GRAMD2A: variants seen among roughly 807,000 people sequenced by gnomAD.
GRAMD2A encodes GRAM domain-containing protein 2A.
In GRAMD2A, 37 loss-of-function variants were observed where a neutral mutation model predicts 51.1. That is an observed-to-expected ratio of 0.72 (90% CI 0.56 to 0.95). The LOEUF (loss-of-function observed/expected upper bound fraction) is 0.95. Among genes scored for constraint, GRAMD2A ranks in the 40% least tolerant of loss-of-function variants. The pLI, the probability that GRAMD2A is intolerant of heterozygous loss-of-function variation, is 0.00. For synonymous variants in GRAMD2A, 136 were observed against 157.1 expected, an observed-to-expected ratio of 0.87 and a Z score of 1.01; for missense variants, 414 against 426.9, an observed-to-expected ratio of 0.97 and a Z score of 0.27.
At chr15:72,165,436 A>G (rs772025186) in intron 7 of GRAMD2A, 26 bp from the exon 8 acceptor site, 39 of 1,612,576 alleles carry the variant, frequency 2.4e-5, no homozygotes, top group Middle Eastern at 1.6e-4. Context: ...AACAGCAGTC[A>G]CTTGTCCATC....
intron 1 of GRAMD2A, chr15:72,173,933 TAAAAAAAAAAAAAA>T (rs577222527): frequency 1.5e-5 from 1 of 66,672 alleles, no homozygotes; most frequent in South Asian, 8.6e-4. Context: ...AAATTCTGTC[TAAAAAAAAAAAAAA>T]AAAAAAAAAA....
At chr15:72,194,224 G>GA (rs1240600914) in intron 1 of GRAMD2A, among the ~76,000 whole-genome samples, 1 of 152,234 alleles carries the variant, frequency 6.6e-6, no homozygotes, top group Non-Finnish European at 1.5e-5. Context: ...CTGGAAGGGA[G>GA]AAAAATTATT....
At chr15:72,178,639 A>C (rs905486428) in intron 1 of GRAMD2A, among the ~76,000 whole-genome samples, 2 of 130,712 alleles carry the variant, frequency 1.5e-5, no homozygotes, top group Admixed American at 9.5e-5. Context: ...GCAGTGGCGC[A>C]ATCTCGGCTC....
chr15:72,177,618 A>G (rs140448488), intron 1 of GRAMD2A, among the ~76,000 whole-genome samples: 148 of 152,350 alleles, frequency 9.7e-4, no homozygotes, highest in African/African-American at 3.4e-3. Context: ...TTTGCCTCTT[A>G]TGAAAGTGCT....
rs1266041296 is a variant in GRAMD2A at position 72,163,618 on chromosome 15, A to C, written c.740T>G (p.Met247Arg). ...DSFFPSRKPP[M>R]SEKSRAQVAS... is the part of the protein sequence containing the mutation. ...ACAAGCCCTCCCGAACTTACCAGAC[A>C]TTGGAGGCTTCCTGGAGGGGAAGAA... is the stretch of plus-strand genomic sequence containing the variant. The change falls in exon 9 of 12, where the codon ATG (methionine) becomes AGG (arginine). Residue 247 changes from methionine to arginine, a missense_variant. Transcript: ENST00000309731. 1 of 1,596,744 alleles carries C rather than the reference A, an allele frequency of 6.3e-7. No individual in the cohort carries two copies. Among genetic ancestry groups the C allele is most frequent in the South Asian group, 1.1e-5 (1 of 87,922 alleles).
In GRAMD2A at chr15:72,191,205, CT is replaced by C. The variant is rs79752612; in HGVS notation, c.41+6525del. 2.0e-3 allele frequency among the ~76,000 whole-genome samples: 285 copies of C among 145,720 alleles called. 1 individual carries two copies. Among genetic ancestry groups the C allele is most frequent in the Middle Eastern group, 3.6e-3 (1 of 278 alleles). ...GCAAATGGTTGAAGAGGGAACACAT[CT>C]TTTTTTTTTTTAAATGGAGTTTCAC... On this transcript the variant is annotated intron_variant, in intron 1 of 11. Transcript: ENST00000309731.
rs1053133978 is a variant in GRAMD2A, at chr15:72,197,651, C to T, written c.41+80G>A. 6.8e-5 allele frequency: 76 copies of T among 1,122,778 alleles called. No homozygotes were observed. The African/African-American group carries it at 1.1e-3, about 17-fold the overall frequency. The allele number at this position is 1,122,778 out of a possible 1,614,324, so 69.6% of individuals were successfully genotyped here. Reference sequence around the variant, plus strand: ...GCCGAGTTGCCGCGGCCCCAGGAGCCGTCCTGCCCCGCGCGGCAGCAGCCC... The same window carrying T: ...GCCGAGTTGCCGCGGCCCCAGGAGCTGTCCTGCCCCGCGCGGCAGCAGCCC... On this transcript the variant is annotated intron_variant, in intron 1 of 11. Coordinates refer to ENST00000309731, the MANE Select transcript of GRAMD2A (RefSeq NM_001012642.3).
intron 1 of GRAMD2A, among the ~76,000 whole-genome samples, chr15:72,194,831 GCA>G (rs2081793409): frequency 6.6e-6 from 1 of 151,998 alleles, no homozygotes; most frequent in Admixed American, 6.6e-5. Flanking sequence ...GGGATTACAG[GCA>G]CACACCACCA....
chr15:72,190,415 A>G (rs2140560685), intron 1 of GRAMD2A, among the ~76,000 whole-genome samples: 1 of 152,114 alleles, frequency 6.6e-6, no homozygotes, highest in African/African-American at 2.4e-5. Context: ...TAAATGGACC[A>G]CCTTCTAGCT....
Position 72,169,857 on chromosome 15 carries a change from G to A in GRAMD2A, c.124C>T (p.Pro42Ser). 2 of 1,613,240 alleles carry A rather than the reference G, an allele frequency of 1.2e-6. No individual in the cohort carries two copies. The highest frequency in any genetic ancestry group is 1.1e-5 in the South Asian group (1 of 91,058). Residue 42 changes from proline (P) to serine (S), a missense_variant, in exon 2 of 12, where the codon CCG becomes TCG. Coordinates refer to ENST00000309731, the MANE Select transcript of GRAMD2A (RefSeq NM_001012642.3). ...GAAAGGGGTCCTCACCTGTAGTCCGGGGGCTCCTCAACTCTGTCTGGTTTC... is the reference window on the plus strand; with the variant it reads ...GAAAGGGGTCCTCACCTGTAGTCCGAGGGCTCCTCAACTCTGTCTGGTTTC... ...KEKPDRVEEP[P>S]DYSLHWPEGL...
intron 4 of GRAMD2A, 51 bp from the exon 5 acceptor site, chr15:72,167,890 G>T: frequency 3.7e-6 from 5 of 1,355,330 alleles, no homozygotes; most frequent in Non-Finnish European, 5.3e-6. Context: ...AGCCCAGGAA[G>T]CCCCAGGACC....
intron 1 of GRAMD2A, among the ~76,000 whole-genome samples, chr15:72,172,180 G>A (rs1195106508): frequency 6.6e-6 from 1 of 151,862 alleles, no homozygotes; most frequent in South Asian, 2.1e-4. Context: ...GTACAGTGGC[G>A]CAATCTTGGT....
rs897015620 is a variant in GRAMD2A, at chr15:72,170,160, G to A, written c.42-221C>T. ...GTCTCACACAGCGTCTTTCCCGAAA[G>A]CCAGAAGTTCTGCTTATGCCTAGGC... On this transcript the variant is annotated intron_variant, in intron 1 of 11. Coordinates refer to ENST00000309731, the MANE Select transcript of GRAMD2A (RefSeq NM_001012642.3). This position sits in a 1 kb window ranked among gnomAD's most constrained non-coding sequence, Gnocchi z 4.5. The A allele has an allele frequency of 4.5e-6, 3 of 660,386 alleles. No individual in the cohort carries two copies. Among genetic ancestry groups the A allele is most frequent in the Non-Finnish European group, 5.6e-6 (2 of 358,446 alleles). 40.9% of individuals were successfully genotyped at this position (660,386 alleles called of 1,614,324 possible).
intron 1 of GRAMD2A, among the ~76,000 whole-genome samples, chr15:72,177,884 C>A (rs549387870): frequency 6.6e-6 from 1 of 152,194 alleles, no homozygotes; most frequent in Non-Finnish European, 1.5e-5. Flanking sequence ...TGTGCCAACA[C>A]GCCCAGCTAA....
At chr15:72,182,728 G>A (rs1470441047) in intron 1 of GRAMD2A, among the ~76,000 whole-genome samples, 3 of 152,118 alleles carry the variant, frequency 2.0e-5, no homozygotes, top group African/African-American at 7.2e-5. Context: ...CACTTAAATT[G>A]GGTATCTAGA....
Position 72,166,900 on chromosome 15 carries a change from A to G in GRAMD2A, c.471+94T>C. ...TACTGGAGAGCTGCAGGGTGGGGTGAAATAAAGACCTGGGAATGTGCCCGA... is the reference window on the plus strand; with the variant it reads ...TACTGGAGAGCTGCAGGGTGGGGTGGAATAAAGACCTGGGAATGTGCCCGA... On this transcript the variant is annotated intron_variant, in intron 6 of 11. Transcript: ENST00000309731. The surrounding 1 kb of genome is among the most constrained non-coding windows in gnomAD (Gnocchi z 4.1). The G allele has an allele frequency of 9.4e-7, 1 of 1,069,368 alleles. No individual in the cohort carries two copies. The highest frequency in any genetic ancestry group is 1.4e-6 in the Non-Finnish European group (1 of 690,126). 66.2% of individuals were successfully genotyped at this position (1,069,368 alleles called of 1,614,324 possible).
At chr15:72,163,502 A>G in intron 9 of GRAMD2A, 26 bp from the exon 10 acceptor site, 1 of 1,605,416 alleles carries the variant, frequency 6.2e-7, no homozygotes, top group Admixed American at 1.7e-5. Flanking sequence ...GAAAAAAAAA[A>G]TCAGCTCTCA....
intron 8 of GRAMD2A, 73 bp from the exon 9 acceptor site, chr15:72,163,830 G>T: frequency 1.4e-6 from 2 of 1,477,746 alleles, no homozygotes; most frequent in East Asian, 2.3e-5. Flanking sequence ...CCCACACCAG[G>T]TTTATCAGAG....
chr15:72,165,260 G>A (rs1041219308), intron 8 of GRAMD2A, 94 bp downstream of exon 8: 4 of 1,121,590 alleles, frequency 3.6e-6, no homozygotes, highest in African/African-American at 1.5e-5. Context: ...TGGTGCCCCA[G>A]TTCTGCATTG....
Sources: allele counts gnomAD v4.1 joint callset (sites outside exome capture counted in the v4.1 genomes callset), GRCh38; gene constraint gnomAD v4.1.1; non-coding constraint Gnocchi (gnomAD v3.1); transcripts MANE v1.5; gene names NCBI Gene and HGNC (gene_info 2026-07-23, HGNC 2026-07-21).